TBCK: variants seen among roughly 807,000 people sequenced by gnomAD.
TBCK encodes TBC1 domain containing kinase.
A neutral mutation model predicts 113.4 loss-of-function variants in TBCK; 99 were observed. The observed-to-expected ratio is 0.87, with a 90% CI of 0.74 to 1.03. TBCK has a LOEUF of 1.03. Among genes scored for constraint, TBCK ranks in the 50% least tolerant of loss-of-function variants. The pLI is 0.00. For missense variants in TBCK, 1,045 were observed against 1,061.3 expected (o/e 0.98, Z 0.21); for synonymous variants, 369 against 370.8 (o/e 1.00, Z 0.05).
chr4:106,207,383 A>G (rs1295293078), intron 20 of TBCK, among the ~76,000 whole-genome samples: 1 of 152,188 alleles, frequency 6.6e-6, no homozygotes, highest in East Asian at 1.9e-4. Context: ...GTTCTTGAGT[A>G]GGAAACTCGG....
chr4:106,091,741 A>T (rs1334131597), intron 25 of TBCK, among the ~76,000 whole-genome samples: 1 of 152,122 alleles, frequency 6.6e-6, no homozygotes, highest in Non-Finnish European at 1.5e-5. Flanking sequence ...CAGTAGCAAG[A>T]TTTACTGCAA....
intron 17 of TBCK, 94 bp downstream of exon 17, chr4:106,232,844 G>T (rs1428498126): frequency 2.2e-5 from 27 of 1,252,838 alleles, no homozygotes; most frequent in Non-Finnish European, 2.7e-5. Flanking sequence ...TTTCCCCAAA[G>T]ACAAGGATGT....
At chr4:106,047,932 A>C (rs1734395065) in intron 25 of TBCK, among the ~76,000 whole-genome samples, 1 of 152,124 alleles carries the variant, frequency 6.6e-6, no homozygotes, top group African/African-American at 2.4e-5. Context: ...TAGATCCTTC[A>C]ATAAAAATGA....
At chr4:106,199,727 C>T (rs919067127) in intron 20 of TBCK, among the ~76,000 whole-genome samples, 1 of 152,174 alleles carries the variant, frequency 6.6e-6, no homozygotes, top group Non-Finnish European at 1.5e-5. Flanking sequence ...GTATATTTGT[C>T]ACCAGTAGTC....
At chr4:106,306,429 C>CCATAG (rs1218571952) in intron 2 of TBCK, among the ~76,000 whole-genome samples, 2 of 152,008 alleles carry the variant, frequency 1.3e-5, no homozygotes, top group South Asian at 2.1e-4. Context: ...CTTTGTACTT[C>CCATAG]CATAGCATAG....
intron 23 of TBCK, among the ~76,000 whole-genome samples, chr4:106,124,998 TA>T (rs112091698): frequency 0.12 from 13,084 of 105,804 alleles, 590 homozygotes; most frequent in African/African-American, 0.14. Flanking sequence ...ACTTAAAGTA[TA>T]AAAAAAAAAA....
intron 5 of TBCK, among the ~76,000 whole-genome samples, chr4:106,255,913 G>A (rs1291697128): frequency 6.6e-6 from 1 of 152,082 alleles, no homozygotes; most frequent in African/African-American, 2.4e-5. Flanking sequence ...GGTGTCCCAA[G>A]GAGTGTCCAA....
At chr4:106,214,017 G>A (rs145342318) in intron 19 of TBCK, among the ~76,000 whole-genome samples, 30,345 of 151,936 alleles carry the variant, frequency 0.2, 3,166 homozygotes, top group African/African-American at 0.27. Flanking sequence ...GCAGCTGGAG[G>A]TCTGAGAACC....
chr4:106,100,462 C>T (rs1741425423), intron 24 of TBCK, among the ~76,000 whole-genome samples: 1 of 152,124 alleles, frequency 6.6e-6, no homozygotes, highest in Non-Finnish European at 1.5e-5. Context: ...GGGAAAGAAA[C>T]AGCAACAAAA....
In TBCK at chr4:106,242,519, G is replaced by A. The variant is rs56366017; in HGVS notation, c.1121C>T (p.Ser374Leu). Residue 374 changes from serine to leucine, a missense_variant, in exon 12 of 26, where the codon TCG (serine) becomes TTG (leucine). By Grantham distance (145) the Ser-to-Leu change is moderately radical. Coordinates refer to ENST00000394708, the MANE Select transcript of TBCK (RefSeq NM_001163435.3). The part of the protein sequence containing the change: ...ESFGQGRDRS[S>L]LLDDTTVTLS... ...TGTCACAGTGGTATCATCTAAAAGCGAGCTTCTATCTCGACCTTGTCCAAA... is the reference window on the plus strand; with the variant it reads ...TGTCACAGTGGTATCATCTAAAAGCAAGCTTCTATCTCGACCTTGTCCAAA... 5.0e-6 allele frequency: 8 copies of A among 1,609,154 alleles called. No homozygotes were observed. Among genetic ancestry groups the A allele is most frequent in the East Asian group, 2.2e-5 (1 of 44,588 alleles).
intron 25 of TBCK, among the ~76,000 whole-genome samples, chr4:106,071,487 T>G (rs1241785029): frequency 1.3e-5 from 2 of 152,218 alleles, no homozygotes; most frequent in African/African-American, 4.8e-5. Flanking sequence ...TTCTGTTCTT[T>G]TGCATTTGCT....
chr4:106,132,661 A>T (rs114258169), intron 23 of TBCK, among the ~76,000 whole-genome samples: 384 of 152,328 alleles, frequency 2.5e-3, no homozygotes, highest in Non-Finnish European at 2.7e-3. Flanking sequence ...AAAGCCACAG[A>T]CACTCAATGC....
At chr4:106,217,901 G>C (rs1483515795) in intron 19 of TBCK, among the ~76,000 whole-genome samples, 1 of 144,982 alleles carries the variant, frequency 6.9e-6, no homozygotes, top group East Asian at 2.0e-4. Flanking sequence ...AAAAGAGCCC[G>C]CATCGCCAAG....
intron 19 of TBCK, among the ~76,000 whole-genome samples, chr4:106,228,596 T>C (rs1441843030): frequency 6.6e-6 from 1 of 152,054 alleles, no homozygotes; most frequent in African/African-American, 2.4e-5. Context: ...TATGGCTGAA[T>C]AGTACTCCAT....
At chr4:106,171,380 A>G in intron 22 of TBCK, 110 bp from the exon 23 acceptor site, 1 of 749,842 alleles carries the variant, frequency 1.3e-6, no homozygotes, top group South Asian at 2.1e-5. Context: ...CTAAGATGAT[A>G]AGTTATTAGA....
intron 4 of TBCK, 94 bp downstream of exon 4, chr4:106,262,004 T>G (rs1762552005): frequency 1.8e-6 from 1 of 552,214 alleles, no homozygotes; most frequent in Non-Finnish European, 3.0e-6. Context: ...AAACATATTC[T>G]GATTCTATTG....
intron 24 of TBCK, among the ~76,000 whole-genome samples, chr4:106,114,233 C>T: frequency 6.6e-6 from 1 of 152,220 alleles, no homozygotes. Context: ...TAGAAAGATG[C>T]AAACCTTCTT....
chr4:106,285,795 T>G (rs2125806050), intron 3 of TBCK, among the ~76,000 whole-genome samples: 1 of 152,320 alleles, frequency 6.6e-6, no homozygotes, highest in African/African-American at 2.4e-5. Context: ...TCAGCCCTTC[T>G]TGCAGGTGCA....
intron 3 of TBCK, among the ~76,000 whole-genome samples, chr4:106,290,672 C>A (rs924869866): frequency 2.0e-5 from 3 of 152,098 alleles, no homozygotes; most frequent in African/African-American, 7.2e-5. Flanking sequence ...CCCAACCCCC[C>A]CACCATGGAC....
Sources: gnomAD v4.1 joint callset for allele counts (sites outside exome capture counted in the v4.1 genomes callset) on GRCh38, gnomAD v4.1.1 for gene constraint, MANE v1.5 for transcripts, NCBI Gene and HGNC (gene_info 2026-07-23, HGNC 2026-07-21) for gene names.